The following FILIP1L variants were observed in gnomAD, a reference collection of about 807,000 sequenced individuals.
FILIP1L encodes the protein filamin A interacting protein 1 like, also known as filamin A-interacting protein 1-like.
A neutral mutation model predicts 96.6 loss-of-function variants in FILIP1L; 55 were observed. That is an observed-to-expected ratio of 0.57 (90% confidence interval 0.46 to 0.71). FILIP1L has a LOEUF of 0.71. Ranked by LOEUF, FILIP1L falls within the 30% of genes least tolerant of loss-of-function variation. The pLI is 0.00. For missense variants in FILIP1L, 1,304 were observed against 1,321.2 expected (o/e 0.99, Z 0.20); for synonymous variants, 467 against 473.9 (o/e 0.99, Z 0.19).
intron 1 of FILIP1L, among the ~76,000 whole-genome samples, chr3:99,937,724 G>T (rs1031393593): frequency 2.0e-5 from 3 of 152,232 alleles, no homozygotes; most frequent in Non-Finnish European, 4.4e-5. Context: ...AGCAGAGCTG[G>T]TTGGCTCTGA....
intron 4 of FILIP1L, among the ~76,000 whole-genome samples, chr3:99,922,193 G>T (rs1222934964): frequency 6.6e-6 from 1 of 152,224 alleles, no homozygotes; most frequent in Non-Finnish European, 1.5e-5. Context: ...AAAGATGAAA[G>T]AAAGTGTCTG....
chr3:100,087,529 T>C (rs2066031244), intron 1 of FILIP1L, among the ~76,000 whole-genome samples: 1 of 152,208 alleles, frequency 6.6e-6, no homozygotes, highest in Admixed American at 6.5e-5. Context: ...CATCCAAGTA[T>C]AGTCTTTAGT....
intron 4 of FILIP1L, among the ~76,000 whole-genome samples, chr3:99,864,236 G>A (rs1293853877): frequency 6.6e-6 from 1 of 152,010 alleles, no homozygotes; most frequent in East Asian, 1.9e-4. Flanking sequence ...TTGAAAAACT[G>A]AGGCCCAGGC....
chr3:99,988,398 A>G (rs1709413674), intron 1 of FILIP1L, among the ~76,000 whole-genome samples: 1 of 150,220 alleles, frequency 6.7e-6, no homozygotes, highest in Admixed American at 6.6e-5. Flanking sequence ...CTGTAGTCCC[A>G]GCTACTCAGA....
chr3:100,062,097 T>C (rs2065579157), intron 1 of FILIP1L, among the ~76,000 whole-genome samples: 3 of 49,546 alleles, frequency 6.1e-5, no homozygotes, highest in Non-Finnish European at 8.4e-5. Flanking sequence ...CTTCTTCTTT[T>C]TTTTTTTTTT....
intron 1 of FILIP1L, among the ~76,000 whole-genome samples, chr3:99,938,419 A>C (rs1179029278): frequency 6.6e-6 from 1 of 152,220 alleles, no homozygotes; most frequent in Non-Finnish European, 1.5e-5. Flanking sequence ...AGACTGCATA[A>C]CACGGAGTGA....
Position 99,961,249 on chromosome 3 carries a change from A to G in FILIP1L, c.-10-30219T>C, listed in dbSNP as rs78643255. On this transcript the variant is annotated intron_variant, in intron 1 of 5. Transcript: ENST00000477258. ...TCCGGACTTGCCTCTTGCAGGTGTTATCCCCTGTGTTGGAATGCTGGGTTT... is the reference window on the plus strand; with the variant it reads ...TCCGGACTTGCCTCTTGCAGGTGTTGTCCCCTGTGTTGGAATGCTGGGTTT... 4.5e-3 allele frequency among the ~76,000 whole-genome samples: 687 copies of G among 152,284 alleles called. 7 individuals carry two copies. Among genetic ancestry groups the G allele is most frequent in the African/African-American group, 0.016 (673 of 41,556 alleles).
At chr3:99,842,198 T>C (rs1194487140) in intron 5 of FILIP1L, among the ~76,000 whole-genome samples, 3 of 152,126 alleles carry the variant, frequency 2.0e-5, no homozygotes, top group African/African-American at 7.2e-5. Flanking sequence ...CTGGATGGAA[T>C]TGGAGACTAT....
chr3:100,081,308 C>T (rs2065928421), intron 1 of FILIP1L, among the ~76,000 whole-genome samples: 1 of 152,154 alleles, frequency 6.6e-6, no homozygotes, highest in African/African-American at 2.4e-5. Flanking sequence ...TCATGTAAAA[C>T]AAATTATATA....
intron 4 of FILIP1L, among the ~76,000 whole-genome samples, chr3:99,915,286 A>T (rs1706917265): frequency 6.6e-6 from 1 of 152,144 alleles, no homozygotes. Context: ...CATTTCATTC[A>T]CTCATTCAAA....
At chr3:99,972,974 A>G (rs1708865918) in intron 1 of FILIP1L, among the ~76,000 whole-genome samples, 1 of 152,216 alleles carries the variant, frequency 6.6e-6, no homozygotes, top group Non-Finnish European at 1.5e-5. Context: ...TTGGCAATAA[A>G]AGCTGAGAGC....
At chr3:99,992,966 T>G (rs950317361) in intron 1 of FILIP1L, among the ~76,000 whole-genome samples, 4 of 152,102 alleles carry the variant, frequency 2.6e-5, no homozygotes, top group African/African-American at 9.7e-5. Context: ...CAAAGATCAC[T>G]TGGTTGTAGG....
chr3:99,982,453 A>G (rs1265828363), intron 1 of FILIP1L, among the ~76,000 whole-genome samples: 1 of 151,654 alleles, frequency 6.6e-6, no homozygotes, highest in African/African-American at 2.4e-5. Flanking sequence ...TGATCCTCCC[A>G]CCTCAGCCTC....
intron 1 of FILIP1L, among the ~76,000 whole-genome samples, chr3:99,961,831 A>G (rs968032722): frequency 1.1e-4 from 17 of 152,096 alleles, no homozygotes; most frequent in Middle Eastern, 3.4e-3. Flanking sequence ...CTATTTTCTT[A>G]TGTCATAGTT....
At chr3:100,076,033 T>G (rs2065844913) in intron 1 of FILIP1L, among the ~76,000 whole-genome samples, 1 of 152,198 alleles carries the variant, frequency 6.6e-6, no homozygotes, top group Non-Finnish European at 1.5e-5. Flanking sequence ...TAAAATTCTG[T>G]GATTCTGAGT....
chr3:99,880,868 G>T (rs1705702210), intron 4 of FILIP1L, among the ~76,000 whole-genome samples: 1 of 151,988 alleles, frequency 6.6e-6, no homozygotes, highest in Admixed American at 6.6e-5. Flanking sequence ...AGTGTGGATG[G>T]ACCCTGTATG....
intron 1 of FILIP1L, among the ~76,000 whole-genome samples, chr3:100,032,853 T>C (rs2065042982): frequency 1.3e-5 from 2 of 152,204 alleles, no homozygotes; most frequent in Admixed American, 6.6e-5. Context: ...TTTTTTGAGC[T>C]GCTACTATTT....
intron 1 of FILIP1L, among the ~76,000 whole-genome samples, chr3:99,985,017 T>G (rs2107740130): frequency 6.6e-6 from 1 of 152,262 alleles, no homozygotes; most frequent in African/African-American, 2.4e-5. Context: ...CTTAAAGGGG[T>G]TGCCGTGAGG....
chr3:99,984,606 C>G (rs960170041), intron 1 of FILIP1L, among the ~76,000 whole-genome samples: 1 of 152,176 alleles, frequency 6.6e-6, no homozygotes, highest in South Asian at 2.1e-4. Context: ...CCAAAATTTC[C>G]CCCTTCAAGT....
Sources: allele counts gnomAD v4.1 joint callset (sites outside exome capture counted in the v4.1 genomes callset), GRCh38; gene constraint gnomAD v4.1.1; transcripts MANE v1.5; gene names NCBI Gene and HGNC (gene_info 2026-07-23, HGNC 2026-07-21).